Variants in CDK14 observed in about 807,000 individuals in gnomAD.
CDK14 encodes cyclin-dependent kinase 14.
In CDK14, 34 loss-of-function variants were observed where a neutral mutation model predicts 60.7. That is an observed-to-expected ratio of 0.56 (90% confidence interval 0.43 to 0.75). The LOEUF is 0.75. CDK14 is among the 30% of genes least tolerant of loss of function. The pLI is 0.00. For synonymous variants in CDK14, 197 were observed against 203.7 expected, an observed-to-expected ratio of 0.97 and a Z score of 0.28; for missense variants, 482 against 564.1, an observed-to-expected ratio of 0.85 and a Z score of 1.47.
In CDK14 at chr7:91,209,393, G is replaced by GTC. The variant is rs71733271; in HGVS notation, c.*2269_*2270dup. ...CCATACAGGAAATCCAAAGTTTGGTGTCTCTCTCTCTCTGTCTCTTTCTTT... is the reference window on the plus strand; with the variant it reads ...CCATACAGGAAATCCAAAGTTTGGTGTCTCTCTCTCTCTCTGTCTCTTTCTTT... On this transcript the variant is annotated 3_prime_UTR_variant, in exon 15 of 15. Coordinates refer to ENST00000380050, the MANE Select transcript of CDK14 (RefSeq NM_001287135.2). The GTC allele has an allele frequency of 0.86, 128,146 of 149,266 alleles. 55,079 individuals carry two copies. The highest frequency in any genetic ancestry group is 0.89 in the African/African-American group (36,305 of 40,588). 9.2% of individuals were successfully genotyped at this position (149,266 alleles called of 1,614,324 possible).
chr7:90,869,395 G>T (rs1562805458), intron 6 of CDK14, among the ~76,000 whole-genome samples: 1 of 152,206 alleles, frequency 6.6e-6, no homozygotes, highest in East Asian at 1.9e-4. Context: ...GCTGTGGCTT[G>T]CAGGGAGCTA....
At chr7:90,711,460 C>T (rs1031837610) in intron 2 of CDK14, among the ~76,000 whole-genome samples, 2 of 150,550 alleles carry the variant, frequency 1.3e-5, no homozygotes, top group Non-Finnish European at 3.0e-5. Flanking sequence ...ATATTTTTAC[C>T]TTTACTTTGT....
intron 10 of CDK14, among the ~76,000 whole-genome samples, chr7:90,988,458 T>C (rs1173558456): frequency 6.6e-6 from 1 of 152,190 alleles, no homozygotes; most frequent in Non-Finnish European, 1.5e-5. Context: ...TTCACTTCTT[T>C]AGCATTACCC....
At chr7:91,093,247 A>G (rs548902349) in intron 12 of CDK14, among the ~76,000 whole-genome samples, 1 of 152,296 alleles carries the variant, frequency 6.6e-6, no homozygotes, top group East Asian at 1.9e-4. Context: ...ACCAAGTAGA[A>G]AGCATGCTTT....
At chr7:91,090,996 TTGTG>T (rs4015335) in intron 12 of CDK14, among the ~76,000 whole-genome samples, 78,357 of 150,006 alleles carry the variant, frequency 0.52, 21,020 homozygotes, top group East Asian at 0.84. Flanking sequence ...TTGGTTTTGT[TTGTG>T]TGTGTGTGTG....
chr7:90,809,117 G>A (rs932872548), intron 5 of CDK14, among the ~76,000 whole-genome samples: 1 of 152,028 alleles, frequency 6.6e-6, no homozygotes, highest in African/African-American at 2.4e-5. Flanking sequence ...TACACCAAGT[G>A]GACCTAATAG....
intron 4 of CDK14, among the ~76,000 whole-genome samples, chr7:90,787,341 T>TG (rs1554336858): frequency 6.6e-6 from 1 of 152,082 alleles, no homozygotes; most frequent in South Asian, 2.1e-4. Flanking sequence ...TTAAGGAATA[T>TG]AAAAACTTAA....
intron 14 of CDK14, among the ~76,000 whole-genome samples, chr7:91,197,401 C>CAA (rs11344173): frequency 9.2e-5 from 11 of 120,174 alleles, no homozygotes; most frequent in African/African-American, 2.4e-4. Flanking sequence ...GACTCTGTCT[C>CAA]AAAAAAAAAA....
chr7:90,927,192 G>A (rs1177991252), intron 8 of CDK14, among the ~76,000 whole-genome samples: 1 of 152,104 alleles, frequency 6.6e-6, no homozygotes, highest in Non-Finnish European at 1.5e-5. Flanking sequence ...GCCCCTCCCT[G>A]GAGGCACATT....
intron 6 of CDK14, among the ~76,000 whole-genome samples, chr7:90,863,668 A>ATGTGTGTGTGTGTGTGTG (rs549142223): frequency 2.5e-4 from 12 of 48,846 alleles, no homozygotes; most frequent in South Asian, 9.6e-4. Flanking sequence ...GCTTATTAAG[A>ATGTGTGTGTGTGTGTGTG]TATGTGTGTG....
intron 5 of CDK14, among the ~76,000 whole-genome samples, chr7:90,802,768 A>G (rs2117009615): frequency 6.6e-6 from 1 of 152,338 alleles, no homozygotes; most frequent in African/African-American, 2.4e-5. Context: ...AAATTTCTTC[A>G]AAATAAAAAT....
chr7:91,190,505 T>C (rs900608798), intron 14 of CDK14, among the ~76,000 whole-genome samples: 16 of 152,232 alleles, frequency 1.1e-4, no homozygotes, highest in African/African-American at 3.4e-4. Flanking sequence ...TGTTTTGTTT[T>C]TGAAGTCGGA....
chr7:90,984,128 A>T lies in CDK14; in HGVS notation c.948-20A>T. The stretch of plus-strand genomic sequence containing the variant: ...CAGAATATATTGAAGTTTTGTAACG[A>T]TTCTTTCTTCTCTCTCTAGGGGAGT... On this transcript the variant is annotated intron_variant, in intron 9 of 14. Coordinates refer to ENST00000380050, the MANE Select transcript of CDK14 (RefSeq NM_001287135.2). The T allele has an allele frequency of 6.6e-7, 1 of 1,518,482 alleles. No homozygotes were observed. Among genetic ancestry groups the T allele is most frequent in the South Asian group, 1.1e-5 (1 of 89,014 alleles). 94.1% of individuals were successfully genotyped at this position (1,518,482 alleles called of 1,614,324 possible).
At chr7:90,631,814 T>C (rs901175394) in intron 2 of CDK14, 2 of 152,170 alleles carry the variant, frequency 1.3e-5, no homozygotes, top group Non-Finnish European at 2.9e-5. Context: ...GCTAGAAAGA[T>C]ACAGGAAGCT....
intron 8 of CDK14, among the ~76,000 whole-genome samples, chr7:90,945,693 A>T (rs1018555596): frequency 6.6e-6 from 1 of 152,222 alleles, no homozygotes; most frequent in Non-Finnish European, 1.5e-5. Context: ...GGGGACAAGG[A>T]CTTTGTAATT....
At chr7:90,637,998 T>C (rs1310014514) in intron 2 of CDK14, among the ~76,000 whole-genome samples, 2 of 143,526 alleles carry the variant, frequency 1.4e-5, no homozygotes, top group Admixed American at 7.2e-5. Context: ...TAGATCTTCA[T>C]CCTTTTATTT....
intron 10 of CDK14, among the ~76,000 whole-genome samples, chr7:91,028,247 A>T (rs73230813): frequency 0.064 from 9,675 of 151,760 alleles, 411 homozygotes; most frequent in South Asian, 0.094. Context: ...TGTATGGCTC[A>T]GTATTCCACG....
intron 3 of CDK14, among the ~76,000 whole-genome samples, chr7:90,743,521 G>C (rs1803439282): frequency 6.6e-6 from 1 of 152,076 alleles, no homozygotes; most frequent in Admixed American, 6.6e-5. Context: ...TTAAGCCGCT[G>C]TTTCTAGTAT....
At chr7:90,614,426 T>C (rs981566577) in intron 2 of CDK14, among the ~76,000 whole-genome samples, 1 of 116,900 alleles carries the variant, frequency 8.6e-6, no homozygotes, top group African/African-American at 3.3e-5. Flanking sequence ...TTAGGTCTCA[T>C]CAGCGTCTTA....
Sources: allele counts gnomAD v4.1 joint callset (sites outside exome capture counted in the v4.1 genomes callset), GRCh38; gene constraint gnomAD v4.1.1; transcripts MANE v1.5; gene names NCBI Gene and HGNC (gene_info 2026-07-23, HGNC 2026-07-21).